Variants in ADGRL3 observed in about 807,000 individuals in gnomAD.
The protein encoded by ADGRL3 is adhesion G protein-coupled receptor L3.
In ADGRL3, 62 loss-of-function variants were observed where a neutral mutation model predicts 153.5. The observed-to-expected ratio is 0.40, with a 90% CI of 0.33 to 0.50. The LOEUF (loss-of-function observed/expected upper bound fraction) is 0.50, where lower values mean the gene tolerates loss of function less well. Ranked by LOEUF, ADGRL3 falls within the 20% of genes least tolerant of loss-of-function variation. ADGRL3 has a pLI of 0.47. For missense variants in ADGRL3, 1,641 were observed against 1,859.4 expected (o/e 0.88, Z 2.16); for synonymous variants, 710 against 672.5 (o/e 1.06, Z -0.86).
intron 4 of ADGRL3, among the ~76,000 whole-genome samples, chr4:61,528,159 G>A (rs1214439928): frequency 6.6e-6 from 1 of 152,068 alleles, no homozygotes; most frequent in Non-Finnish European, 1.5e-5. Context: ...AATAATAACG[G>A]TCATAACTCA....
chr4:61,658,574 C>A (rs1368634230), intron 5 of ADGRL3, among the ~76,000 whole-genome samples: 1 of 152,074 alleles, frequency 6.6e-6, no homozygotes, highest in African/African-American at 2.4e-5. Flanking sequence ...GTGTTAGTAA[C>A]TATTAGTTAT....
At chr4:62,013,965 G>GT (rs369825633) in intron 21 of ADGRL3, among the ~76,000 whole-genome samples, 4 of 151,534 alleles carry the variant, frequency 2.6e-5, no homozygotes, top group South Asian at 2.1e-4. Flanking sequence ...ATGTGTGTGT[G>GT]TTTTTTTCAA....
rs188729117 is a variant in ADGRL3, at chr4:61,398,199, A to G, written c.-174+15010A>G. Among the ~76,000 whole-genome samples, 278 of 152,000 alleles carry G rather than the reference A, an allele frequency of 1.8e-3. 2 individuals are homozygous for G. The highest frequency in any genetic ancestry group is 6.5e-3 in the African/African-American group (269 of 41,556). The stretch of plus-strand genomic sequence containing the variant: ...ATTAAGAATAAGAAATAGTTGAAAG[A>G]AATATGATTAAAGAGTATTTTACTA... On this transcript the variant is annotated intron_variant, in intron 2 of 26. Transcript: ENST00000683033.
At chr4:61,533,605 C>T (rs1386486735) in intron 4 of ADGRL3, among the ~76,000 whole-genome samples, 1 of 152,056 alleles carries the variant, frequency 6.6e-6, no homozygotes. Context: ...CTGACCTTAG[C>T]CTCTGTATCA....
Position 61,234,787 on chromosome 4 carries a change from G to A in ADGRL3, c.-240+33022G>A, listed in dbSNP as rs556445490. 7.9e-5 allele frequency among the ~76,000 whole-genome samples: 12 copies of A among 152,246 alleles called. No homozygotes were observed. In the South Asian group the frequency reaches 8.3e-4, roughly 11 times the overall value. Reference sequence around the variant, plus strand: ...AGACGACTGCAGTAGGATGATGACCGAATGAGGGGTAGTAGTGGACAGCAG... The same window carrying A: ...AGACGACTGCAGTAGGATGATGACCAAATGAGGGGTAGTAGTGGACAGCAG... On this transcript the variant is annotated intron_variant, in intron 1 of 26. Transcript: ENST00000683033.
chr4:61,341,906 A>G (rs2095815467), intron 1 of ADGRL3, among the ~76,000 whole-genome samples: 1 of 152,150 alleles, frequency 6.6e-6, no homozygotes, highest in South Asian at 2.1e-4. Flanking sequence ...TTTGTAATTA[A>G]TATTTTGTTA....
At chr4:61,938,369 C>A (rs970165307) in intron 15 of ADGRL3, among the ~76,000 whole-genome samples, 2 of 152,108 alleles carry the variant, frequency 1.3e-5, no homozygotes, top group African/African-American at 4.8e-5. Context: ...TAGTGAATTA[C>A]TATGATTTGC....
intron 2 of ADGRL3, among the ~76,000 whole-genome samples, chr4:61,428,923 A>G (rs929350496): frequency 6.8e-6 from 1 of 146,410 alleles, no homozygotes; most frequent in Non-Finnish European, 1.5e-5. Context: ...CTATCTATCT[A>G]TCTATCTATC....
chr4:61,798,954 A>C (rs901496877), intron 8 of ADGRL3, among the ~76,000 whole-genome samples: 1 of 145,244 alleles, frequency 6.9e-6, no homozygotes, highest in Non-Finnish European at 1.5e-5. Context: ...TGAGTTTAGG[A>C]TATTTTATAT....
At chr4:61,246,315 A>G (rs911021453) in intron 1 of ADGRL3, among the ~76,000 whole-genome samples, 1 of 152,056 alleles carries the variant, frequency 6.6e-6, no homozygotes, top group African/African-American at 2.4e-5. Context: ...ATCAGGGAAG[A>G]GCTTTCTGTA....
intron 5 of ADGRL3, among the ~76,000 whole-genome samples, chr4:61,606,977 A>T (rs568747456): frequency 7.2e-5 from 11 of 152,192 alleles, no homozygotes; most frequent in Non-Finnish European, 1.6e-4. Flanking sequence ...CTCTACACAG[A>T]CAAAAGCAAT....
chr4:61,466,927 A>C (rs1448309103), intron 2 of ADGRL3, among the ~76,000 whole-genome samples: 1 of 152,126 alleles, frequency 6.6e-6, no homozygotes, highest in African/African-American at 2.4e-5. Flanking sequence ...TTAAGATTTA[A>C]TGAAAAAAAT....
intron 2 of ADGRL3, among the ~76,000 whole-genome samples, chr4:61,474,013 A>G (rs934554113): frequency 6.6e-6 from 1 of 152,100 alleles, no homozygotes; most frequent in African/African-American, 2.4e-5. Context: ...GATCGTCAGG[A>G]AAATCTTTGC....
intron 2 of ADGRL3, among the ~76,000 whole-genome samples, chr4:61,487,843 TA>T (rs769552769): frequency 6.6e-6 from 1 of 152,100 alleles, no homozygotes. Context: ...GTTCATTTTT[TA>T]GTTTTAATTA....
At position 61,200,501 on chromosome 4, in the gene ADGRL3, G is replaced by GCGC. The variant is rs35918477; in HGVS notation, c.-1482_-1480dup. Among the ~76,000 whole-genome samples the GCGC allele has an allele frequency of 0.18, 27,429 of 150,358 alleles. 2,814 individuals carry two copies. The highest frequency in any genetic ancestry group is 0.5 in the East Asian group (2,418 of 4,858). On this transcript the variant is annotated 5_prime_UTR_variant, in exon 1 of 27. Transcript: ENST00000683033. ...CAGATGCTGCAGCTGGTCGGGGTGGGCGCCGCCGCCGCCGCCGCCGCCGCT... is the reference window on the plus strand; with the variant it reads ...CAGATGCTGCAGCTGGTCGGGGTGGGCGCCGCCGCCGCCGCCGCCGCCGCCGCT...
chr4:61,242,414 C>T (rs1032237951), intron 1 of ADGRL3, among the ~76,000 whole-genome samples: 1 of 152,022 alleles, frequency 6.6e-6, no homozygotes, highest in Non-Finnish European at 1.5e-5. Flanking sequence ...TGAATTGCCA[C>T]AAGGAAGCCT....
At chr4:61,790,668 A>G (rs541822138) in intron 8 of ADGRL3, among the ~76,000 whole-genome samples, 5 of 152,352 alleles carry the variant, frequency 3.3e-5, no homozygotes, top group African/African-American at 1.2e-4. Flanking sequence ...GCTAAAAACC[A>G]GAACTATTAG....
At chr4:61,345,605 A>T (rs1293571197) in intron 1 of ADGRL3, among the ~76,000 whole-genome samples, 1 of 152,196 alleles carries the variant, frequency 6.6e-6, no homozygotes, top group African/African-American at 2.4e-5. Flanking sequence ...GGACAATTGC[A>T]TATATATTAT....
chr4:61,587,762 G>A (rs1404935534), intron 5 of ADGRL3, among the ~76,000 whole-genome samples: 1 of 151,904 alleles, frequency 6.6e-6, no homozygotes, highest in Non-Finnish European at 1.5e-5. Flanking sequence ...GCAAAAATAA[G>A]ATTTTCTCCA....
Sources: gnomAD v4.1 joint callset for allele counts (sites outside exome capture counted in the v4.1 genomes callset) on GRCh38, gnomAD v4.1.1 for gene constraint, MANE v1.5 for transcripts, NCBI Gene and HGNC (gene_info 2026-07-23, HGNC 2026-07-21) for gene names.